The following TXLNB variants were observed in gnomAD, a reference collection of about 807,000 sequenced individuals.
The protein encoded by TXLNB is beta-taxilin.
A neutral mutation model predicts 57.4 loss-of-function variants in TXLNB; 37 were observed. The ratio of observed to expected loss-of-function variants is 0.64; its 90% CI spans 0.50 to 0.85. The LOEUF (loss-of-function observed/expected upper bound fraction) is 0.85. TXLNB is among the 40% of genes least tolerant of loss of function. The probability of loss-of-function intolerance (pLI) is 0.00; values close to 1 mark genes in which losing one functional copy is unlikely to be tolerated. For missense variants in TXLNB, 848 were observed against 825.6 expected, an observed-to-expected ratio of 1.03 and a Z score of -0.33; for synonymous variants, 302 against 309.6, an observed-to-expected ratio of 0.98 and a Z score of 0.26.
the TXLNB span, among the ~76,000 whole-genome samples, chr6:139,192,985 A>T: frequency 1.4e-5 from 2 of 139,806 alleles, no homozygotes; most frequent in Non-Finnish European, 3.2e-5. Context: ...CAAAAAAAAA[A>T]AACAACAAAA....
the TXLNB span, among the ~76,000 whole-genome samples, chr6:139,176,499 A>C: frequency 4.6e-5 from 7 of 152,212 alleles, no homozygotes; most frequent in African/African-American, 1.7e-4. The surrounding 1 kb of genome is among the most constrained non-coding windows in gnomAD (Gnocchi z 4.5). Context: ...CCAGCACCGC[A>C]CTTCCTGGAT....
the TXLNB span, among the ~76,000 whole-genome samples, chr6:139,176,163 G>A: frequency 6.6e-6 from 1 of 152,178 alleles, no homozygotes; most frequent in Non-Finnish European, 1.5e-5. This position sits in a 1 kb window ranked among gnomAD's most constrained non-coding sequence, Gnocchi z 4.5. Flanking sequence ...AGTGGCTGAG[G>A]ATCAGCAGGC....
intron 7 of TXLNB, among the ~76,000 whole-genome samples, chr6:139,249,082 T>C (rs1030704054): frequency 2.0e-5 from 3 of 152,234 alleles, no homozygotes; most frequent in Non-Finnish European, 4.4e-5. Context: ...AAGCATTGTA[T>C]GGGTTAGCAT....
At chr6:139,317,557 G>A in the TXLNB span, among the ~76,000 whole-genome samples, 6 of 151,990 alleles carry the variant, frequency 3.9e-5, no homozygotes, top group East Asian at 3.9e-4. Context: ...CCGCCACCAC[G>A]CCCAGCTAAT....
At chr6:139,255,297 C>T (rs1562275765) in intron 7 of TXLNB, 6 of 471,212 alleles carry the variant, frequency 1.3e-5, no homozygotes, top group Non-Finnish European at 1.2e-5. Context: ...GGCTGACTCT[C>T]TTGACCACTG....
chr6:139,302,935 C>T, the TXLNB span, among the ~76,000 whole-genome samples: 3 of 152,060 alleles, frequency 2.0e-5, no homozygotes, highest in African/African-American at 7.2e-5. Flanking sequence ...AAAAAATTGA[C>T]AGAGAAATAT....
the TXLNB span, among the ~76,000 whole-genome samples, chr6:139,322,931 T>TA: frequency 1.3e-5 from 2 of 152,234 alleles, no homozygotes; most frequent in Admixed American, 1.3e-4. Flanking sequence ...AAACAGATGC[T>TA]AATTGAATAG....
intron 7 of TXLNB, among the ~76,000 whole-genome samples, chr6:139,249,016 C>T (rs1473116859): frequency 6.6e-6 from 1 of 152,174 alleles, no homozygotes; most frequent in African/African-American, 2.4e-5. Flanking sequence ...CATCAGTTTT[C>T]CACAGATGGA....
the TXLNB span, among the ~76,000 whole-genome samples, chr6:139,215,564 G>T: frequency 6.6e-6 from 1 of 152,232 alleles, no homozygotes; most frequent in South Asian, 2.1e-4. Flanking sequence ...ACACAGGCAT[G>T]GGCAAGGACT....
At chr6:139,207,697 T>C in the TXLNB span, among the ~76,000 whole-genome samples, 1 of 152,140 alleles carries the variant, frequency 6.6e-6, no homozygotes, top group Non-Finnish European at 1.5e-5. Flanking sequence ...CAAAAGTTGG[T>C]TCTTTGAAAA....
At chr6:139,228,241 C>T in the TXLNB span, among the ~76,000 whole-genome samples, 16 of 152,068 alleles carry the variant, frequency 1.1e-4, no homozygotes, top group African/African-American at 2.9e-4. Context: ...CTAGGCTGGG[C>T]GCAGTGGCTC....
At chr6:139,281,054 ATTT>A (rs556935768) in intron 2 of TXLNB, among the ~76,000 whole-genome samples, 1 of 151,816 alleles carries the variant, frequency 6.6e-6, no homozygotes, top group African/African-American at 2.4e-5. Context: ...TTATTTATTT[ATTT>A]TTTTATTTTT....
At chr6:139,166,952 G>A in the TXLNB span, 1 of 1,614,156 alleles carries the variant, frequency 6.2e-7, no homozygotes, top group South Asian at 1.1e-5. Flanking sequence ...CATGGCTGGG[G>A]GCCATGTGTT....
intron 3 of TXLNB, among the ~76,000 whole-genome samples, chr6:139,272,099 G>A (rs1302896782): frequency 6.6e-6 from 1 of 152,136 alleles, no homozygotes; most frequent in Non-Finnish European, 1.5e-5. Context: ...ATGAGGTCAG[G>A]AGATCAAGAC....
chr6:139,274,704 CCCCAGTG>C (rs904210879), intron 3 of TXLNB, among the ~76,000 whole-genome samples: 1 of 152,106 alleles, frequency 6.6e-6, no homozygotes, highest in Non-Finnish European at 1.5e-5. Context: ...AGTGATGCTT[CCCCAGTG>C]CACTGTCGTG....
At chr6:139,279,459 C>T (rs986306218) in intron 2 of TXLNB, among the ~76,000 whole-genome samples, 1 of 152,114 alleles carries the variant, frequency 6.6e-6, no homozygotes, top group African/African-American at 2.4e-5. Context: ...GTAAGTCTCA[C>T]AGGAAAAGCA....
intron 9 of TXLNB, 148 bp from the exon 10 acceptor site, chr6:139,243,462 A>C (rs1776000977): frequency 2.7e-6 from 2 of 745,254 alleles, no homozygotes; most frequent in Admixed American, 5.8e-5. Context: ...GTAGGGGCTG[A>C]ACAGATGCTT....
At chr6:139,195,472 A>T in the TXLNB span, among the ~76,000 whole-genome samples, 1 of 152,192 alleles carries the variant, frequency 6.6e-6, no homozygotes, top group African/African-American at 2.4e-5. Flanking sequence ...GCCTGTGCAT[A>T]GCTAGAGTGT....
At chr6:139,235,629 A>T (rs1210819232), downstream of TXLNB, among the ~76,000 whole-genome samples, 1 of 152,072 alleles carries the variant, frequency 6.6e-6, no homozygotes, top group Non-Finnish European at 1.5e-5. Context: ...TTCTTATGAT[A>T]GTGATATGGG....
Sources: gnomAD v4.1 joint callset for allele counts (sites outside exome capture counted in the v4.1 genomes callset) on GRCh38, gnomAD v4.1.1 for gene constraint, Gnocchi (gnomAD v3.1) non-coding constraint, MANE v1.5 for transcripts, NCBI Gene and HGNC (gene_info 2026-07-23, HGNC 2026-07-21) for gene names.